ULK4: variants seen among roughly 807,000 people sequenced by gnomAD.
ULK4 encodes unc-51 like kinase 4.
In ULK4, 133 loss-of-function variants were observed where a neutral mutation model predicts 160.6. The ratio of observed to expected loss-of-function variants is 0.83; its 90% CI spans 0.72 to 0.96. The LOEUF is 0.96. Ranked by LOEUF, ULK4 falls within the 40% of genes least tolerant of loss-of-function variation. The pLI is 0.00. For missense variants in ULK4, 1,580 were observed against 1,499.5 expected (o/e 1.05, Z -0.89); for synonymous variants, 534 against 539.8 (o/e 0.99, Z 0.15).
At chr3:41,335,764 A>G (rs568931690) in intron 35 of ULK4, among the ~76,000 whole-genome samples, 1 of 152,152 alleles carries the variant, frequency 6.6e-6, no homozygotes, top group Non-Finnish European at 1.5e-5. Context: ...GTTTTTAAAT[A>G]TCACCAAAAT....
intron 35 of ULK4, among the ~76,000 whole-genome samples, chr3:41,263,341 G>A (rs2078978974): frequency 6.6e-6 from 1 of 152,166 alleles, no homozygotes; most frequent in Non-Finnish European, 1.5e-5. Context: ...GGAGGGCTCT[G>A]AGGTGGGAAA....
chr3:41,495,534 TA>T, intron 32 of ULK4, among the ~76,000 whole-genome samples: 1 of 151,440 alleles, frequency 6.6e-6, no homozygotes, highest in East Asian at 1.9e-4. Context: ...ACTTCATGTC[TA>T]AAACACCAAA....
At chr3:41,557,297 C>A (rs1455540587) in intron 32 of ULK4, among the ~76,000 whole-genome samples, 3 of 151,024 alleles carry the variant, frequency 2.0e-5, no homozygotes, top group African/African-American at 4.8e-5. Context: ...GTAAATAGAC[C>A]AGAGGGGAAA....
chr3:41,336,402 G>A (rs925437928), intron 35 of ULK4, among the ~76,000 whole-genome samples: 5 of 152,180 alleles, frequency 3.3e-5, no homozygotes, highest in African/African-American at 1.2e-4. Flanking sequence ...TGTTACTGGG[G>A]TCCAAATTAG....
chr3:41,530,200 T>C (rs1377783777), intron 32 of ULK4, among the ~76,000 whole-genome samples: 2 of 152,210 alleles, frequency 1.3e-5, no homozygotes, highest in African/African-American at 4.8e-5. Context: ...GTAAAATATT[T>C]TCTAATGAAA....
At chr3:41,835,310 A>G (rs1475535583) in intron 18 of ULK4, among the ~76,000 whole-genome samples, 1 of 152,240 alleles carries the variant, frequency 6.6e-6, no homozygotes, top group Admixed American at 6.5e-5. Flanking sequence ...TGACTAATTC[A>G]TAACTTATCA....
chr3:41,608,106 T>C (rs2032474061), intron 31 of ULK4, among the ~76,000 whole-genome samples: 1 of 152,214 alleles, frequency 6.6e-6, no homozygotes, highest in African/African-American at 2.4e-5. Context: ...CTATTGACTT[T>C]GTATCAGTCT....
chr3:41,598,148 C>G (rs1172717990), intron 31 of ULK4, among the ~76,000 whole-genome samples: 3 of 152,072 alleles, frequency 2.0e-5, no homozygotes, highest in Non-Finnish European at 2.9e-5. Context: ...ATGTCCTGGT[C>G]CCACATGACC....
chr3:41,663,512 G>C (rs1157428534), intron 30 of ULK4, 95 bp downstream of exon 30: 1 of 1,165,718 alleles, frequency 8.6e-7, no homozygotes, highest in Non-Finnish European at 1.3e-6. Context: ...TCAAACATTA[G>C]TCTTTTGGAA....
intron 22 of ULK4, among the ~76,000 whole-genome samples, chr3:41,732,654 G>A (rs936281850): frequency 3.9e-5 from 6 of 151,924 alleles, no homozygotes; most frequent in African/African-American, 1.4e-4. Context: ...TATATCAAAG[G>A]AATACATGCA....
intron 34 of ULK4, among the ~76,000 whole-genome samples, chr3:41,439,994 T>G (rs2083126377): frequency 6.6e-6 from 1 of 152,210 alleles, no homozygotes; most frequent in Non-Finnish European, 1.5e-5. Context: ...CTTATTTCAA[T>G]TTCAAATTGT....
chr3:41,755,204 A>T (rs959460908), intron 21 of ULK4, among the ~76,000 whole-genome samples: 60 of 152,210 alleles, frequency 3.9e-4, no homozygotes, highest in African/African-American at 1.4e-3. Flanking sequence ...GAGAACAGGA[A>T]TATATAAGTT....
At chr3:41,750,155 C>T (rs552076456) in intron 22 of ULK4, among the ~76,000 whole-genome samples, 106 of 152,300 alleles carry the variant, frequency 7.0e-4, no homozygotes, top group African/African-American at 2.4e-3. Flanking sequence ...AGCCCAGACT[C>T]CTGACCCATG....
At chr3:41,686,585 CCAGA>C (rs1403096849) in intron 27 of ULK4, among the ~76,000 whole-genome samples, 8 of 152,142 alleles carry the variant, frequency 5.3e-5, no homozygotes, top group Non-Finnish European at 7.4e-5. Flanking sequence ...CCAGAGGATA[CCAGA>C]CAAAGATAAG....
intron 30 of ULK4, among the ~76,000 whole-genome samples, chr3:41,626,762 G>A (rs959918353): frequency 5.3e-5 from 8 of 152,026 alleles, no homozygotes; most frequent in South Asian, 4.2e-4. Context: ...TCCTAACCTC[G>A]TGATCCACCC....
rs749257055 is a variant in ULK4 at position 41,900,680 on chromosome 3, T to A, written c.1287+45A>T. ...ATGAAAATCTCATGCAGATTTCAGATCTCAGTAAAGTCTACAACTCAGTTG... is the reference window on the plus strand; with the variant it reads ...ATGAAAATCTCATGCAGATTTCAGAACTCAGTAAAGTCTACAACTCAGTTG... On this transcript the variant is annotated intron_variant, in intron 13 of 36. Coordinates refer to ENST00000301831, the MANE Select transcript of ULK4 (RefSeq NM_017886.4). The A allele has an allele frequency of 4.9e-6, 7 of 1,415,570 alleles. No homozygotes were observed. The South Asian group carries it at 8.4e-5, about 17-fold the overall frequency. 87.7% of individuals were successfully genotyped at this position (1,415,570 alleles called of 1,614,324 possible). A position where few individuals can be genotyped will look rare whatever the true frequency, so the allele number is the denominator to read the frequency against.
At chr3:41,461,252 C>A (rs1428510698) in intron 33 of ULK4, among the ~76,000 whole-genome samples, 3 of 152,174 alleles carry the variant, frequency 2.0e-5, no homozygotes, top group African/African-American at 7.2e-5. Flanking sequence ...AATTCTTCTA[C>A]TTTTAAGAAG....
chr3:41,636,757 T>A (rs2033968280), intron 30 of ULK4, among the ~76,000 whole-genome samples: 2 of 146,212 alleles, frequency 1.4e-5, no homozygotes, highest in Non-Finnish European at 1.5e-5. Context: ...CCCTCCCCCG[T>A]CCCCCCACCC....
At chr3:41,439,926 C>T (rs899539315) in intron 34 of ULK4, among the ~76,000 whole-genome samples, 2 of 152,124 alleles carry the variant, frequency 1.3e-5, no homozygotes, top group Admixed American at 6.5e-5. Flanking sequence ...GGTTTCCATA[C>T]CTTTTGTTAG....
Sources: allele counts gnomAD v4.1 joint callset (sites outside exome capture counted in the v4.1 genomes callset), GRCh38; gene constraint gnomAD v4.1.1; transcripts MANE v1.5; gene names NCBI Gene and HGNC (gene_info 2026-07-23, HGNC 2026-07-21).